The following SLC9A3 variants were observed in gnomAD, a reference collection of about 807,000 sequenced individuals.
SLC9A3 encodes the protein solute carrier family 9 member A3, also known as sodium/hydrogen exchanger 3.
SLC9A3 carries 37 observed loss-of-function variants against 86.8 expected under a neutral mutation model. The ratio of observed to expected loss-of-function variants is 0.43; its 90% CI spans 0.33 to 0.56. SLC9A3 has a LOEUF of 0.56. SLC9A3 is among the 20% of genes least tolerant of loss of function. The pLI is 0.06. For synonymous variants in SLC9A3, 581 were observed against 528.3 expected (o/e 1.10, Z -1.37); for missense variants, 1,011 against 1,171.9 (o/e 0.86, Z 2.00).
At chr5:499,127 G>T (rs991252469) in intron 1 of SLC9A3, among the ~76,000 whole-genome samples, 1 of 152,244 alleles carries the variant, frequency 6.6e-6, no homozygotes, top group African/African-American at 2.4e-5. Flanking sequence ...TCCTCAGCCT[G>T]GGGCTGGTCT....
intron 8 of SLC9A3, 121 bp from the exon 9 acceptor site, chr5:481,756 G>A: frequency 1.2e-6 from 1 of 857,882 alleles, no homozygotes; most frequent in Non-Finnish European, 1.9e-6. Context: ...CCCCTGGCCT[G>A]GACGCAGCCT....
intron 1 of SLC9A3, among the ~76,000 whole-genome samples, chr5:511,967 GGAAACACA>G (rs140247036): frequency 0.016 from 2,440 of 152,320 alleles, 65 homozygotes; most frequent in African/African-American, 0.053. Flanking sequence ...TAGACACGGA[GGAAACACA>G]GATGCAATGA....
At position 472,993 on chromosome 5, in the gene SLC9A3, C is replaced by CGTGCGGCG; in HGVS notation, c.*378_*385dup. ...AGCGGCGTCTCCTCCTGCTCCAGCGCGTGCGGCGGTGCGTGGCACGAGGGC... is the reference window on the plus strand; with the variant it reads ...AGCGGCGTCTCCTCCTGCTCCAGCGCGTGCGGCGGTGCGGCGGTGCGTGGCACGAGGGC... On this transcript the variant is annotated 3_prime_UTR_variant, in exon 17 of 17. Transcript: ENST00000264938. 2.1e-6 allele frequency: 1 copy of CGTGCGGCG among 480,842 alleles called. No homozygotes were observed. 29.8% of individuals were successfully genotyped at this position (480,842 alleles called of 1,614,324 possible).
intron 2 of SLC9A3, among the ~76,000 whole-genome samples, chr5:489,532 G>T (rs891809402): frequency 1.2e-4 from 18 of 152,198 alleles, no homozygotes; most frequent in African/African-American, 4.3e-4. Flanking sequence ...CATCTCTGCG[G>T]TGACTAAACC....
chr5:471,730 C>T lies in SLC9A3; in HGVS notation c.*1649G>A, dbSNP rs1264379499. 9 of 452,300 alleles carry T rather than the reference C, an allele frequency of 2.0e-5. No homozygotes were observed. The highest frequency in any genetic ancestry group is 6.9e-5 in the East Asian group (1 of 14,444). 28.0% of individuals were successfully genotyped at this position (452,300 alleles called of 1,614,324 possible). On this transcript the variant is annotated 3_prime_UTR_variant, in exon 17 of 17. Transcript: ENST00000264938. ...ACCACTGAATCCCAAAAAGTCACTG[C>T]GCTTGATCTGATCCAAGTAACAGTG...
At chr5:493,082 C>A (rs1739865131) in intron 1 of SLC9A3, among the ~76,000 whole-genome samples, 3 of 151,276 alleles carry the variant, frequency 2.0e-5, no homozygotes, top group Admixed American at 2.0e-4. Context: ...ACCAACCTAT[C>A]TGGGCCATGT....
At chr5:483,241 C>T (rs537735314) in intron 6 of SLC9A3, 21 bp downstream of exon 6, 20 of 1,524,684 alleles carry the variant, frequency 1.3e-5, no homozygotes, top group Admixed American at 1.2e-4. Flanking sequence ...GTCCCACGGC[C>T]GCAACCCGGC....
rs1170365502 is a variant in SLC9A3 at position 491,302 on chromosome 5, A to G, written c.514+467T>C. Reference sequence around the variant, plus strand: ...GGTCCGGGGCGGGAGGCAGTGCCCGAGAGATGAAGCATCCAAGACCAAAAC... The same window carrying G: ...GGTCCGGGGCGGGAGGCAGTGCCCGGGAGATGAAGCATCCAAGACCAAAAC... On this transcript the variant is annotated intron_variant, in intron 2 of 16. Coordinates refer to ENST00000264938, the MANE Select transcript of SLC9A3 (RefSeq NM_004174.4). This position sits in a 1 kb window ranked among gnomAD's most constrained non-coding sequence, Gnocchi z 9.2. 2.6e-5 allele frequency among the ~76,000 whole-genome samples: 4 copies of G among 152,086 alleles called. No individual in the cohort carries two copies. Among genetic ancestry groups the G allele is most frequent in the Non-Finnish European group, 4.4e-5 (3 of 67,994 alleles).
At chr5:492,989 G>A (rs1486487864) in intron 1 of SLC9A3, among the ~76,000 whole-genome samples, 1 of 152,200 alleles carries the variant, frequency 6.6e-6, no homozygotes, top group Non-Finnish European at 1.5e-5. Context: ...GACCCCCCGT[G>A]GAGCTTCACC....
intron 1 of SLC9A3, among the ~76,000 whole-genome samples, chr5:512,595 C>T (rs998504928): frequency 2.6e-5 from 4 of 152,096 alleles, no homozygotes; most frequent in Non-Finnish European, 5.9e-5. Flanking sequence ...GGGGGTGGAA[C>T]GGCTGGGGTG....
intron 3 of SLC9A3, among the ~76,000 whole-genome samples, chr5:485,774 G>A (rs995138516): frequency 2.6e-5 from 4 of 152,264 alleles, no homozygotes; most frequent in African/African-American, 9.6e-5. Flanking sequence ...TCTGCACCCA[G>A]CTCTGTGTCT....
chr5:473,180 G>C lies in SLC9A3; in HGVS notation c.*199C>G. 1 of 383,964 alleles carries C rather than the reference G, an allele frequency of 2.6e-6. No homozygotes were observed. The highest frequency in any genetic ancestry group is 3.8e-6 in the Non-Finnish European group (1 of 264,800). 23.8% of individuals were successfully genotyped at this position (383,964 alleles called of 1,614,324 possible). Reference sequence around the variant, plus strand: ...CCGGCGCAGGCCCCGCCCCCGGCTCGCCCTCGGGCGGCTCTGCGGGCGCAG... The same window carrying C: ...CCGGCGCAGGCCCCGCCCCCGGCTCCCCCTCGGGCGGCTCTGCGGGCGCAG... On this transcript the variant is annotated 3_prime_UTR_variant, in exon 17 of 17. Coordinates refer to ENST00000264938, the MANE Select transcript of SLC9A3 (RefSeq NM_004174.4).
chr5:488,501 G>T (rs755119517), intron 2 of SLC9A3, 25 bp from the exon 3 acceptor site: 1 of 1,519,812 alleles, frequency 6.6e-7, no homozygotes. Context: ...GGGCCGCGGG[G>T]CAGCTGCAGG....
At chr5:512,985 G>C (rs147267466) in intron 1 of SLC9A3, among the ~76,000 whole-genome samples, 1 of 152,324 alleles carries the variant, frequency 6.6e-6, no homozygotes, top group East Asian at 1.9e-4. Context: ...GAAGATAAGA[G>C]GGGGAAAGGC....
At position 479,974 on chromosome 5, in the gene SLC9A3, A is replaced by G. The variant is rs1260687697; in HGVS notation, c.1518-9T>C. ...TGTCGAAGTGGGACCACCTGTAGGG[A>G]CAGACCTTGGGTGTGAGCCTCAGGT... On this transcript the variant is annotated splice_polypyrimidine_tract_variant and intron_variant, in intron 9 of 16. Coordinates refer to ENST00000264938, the MANE Select transcript of SLC9A3 (RefSeq NM_004174.4). The G allele has an allele frequency of 6.2e-7, 1 of 1,612,376 alleles. No homozygotes were observed. The highest frequency in any genetic ancestry group is 8.5e-7 in the Non-Finnish European group (1 of 1,179,008).
chr5:476,171 CCCG>C, intron 13 of SLC9A3, 28 bp downstream of exon 13: 1 of 1,613,152 alleles, frequency 6.2e-7, no homozygotes, highest in Non-Finnish European at 8.5e-7. Context: ...AGGCCCCAGC[CCCG>C]CCAAGCCTCC....
chr5:474,925 G>A lies in SLC9A3; in HGVS notation c.2459C>T (p.Pro820Leu), dbSNP rs768341233. Reference sequence around the variant, plus strand: ...GAGGGCGGCGGGGGGCCGCTCCTCGGGGCCGTCTGCCTGCAGGAAGGAGTC... The same window carrying A: ...GAGGGCGGCGGGGGGCCGCTCCTCGAGGCCGTCTGCCTGCAGGAAGGAGTC... ...SVDSFLQADG[P>L]EERPPAALPE... The change falls in exon 16 of 17, where the codon CCC becomes CTC. Residue 820 changes from proline to leucine, a missense_variant. By Grantham distance (98) the Pro-to-Leu change is moderately conservative. Coordinates refer to ENST00000264938, the MANE Select transcript of SLC9A3 (RefSeq NM_004174.4). 1.1e-5 allele frequency: 18 copies of A among 1,601,500 alleles called. No individual in the cohort carries two copies. The highest frequency in any genetic ancestry group is 1.5e-5 in the Non-Finnish European group (18 of 1,175,290).
rs146554484 is a variant in SLC9A3 at position 494,532 on chromosome 5, G to C, written c.212-2461C>G. The stretch of plus-strand genomic sequence containing the variant: ...CTGGGGGTCCCTATGGTGCAGGAAG[G>C]CCTGGGGCAGGTGTTCCCACCTCTG... On this transcript the variant is annotated intron_variant, in intron 1 of 16. Transcript: ENST00000264938. Among the ~76,000 whole-genome samples the C allele has an allele frequency of 6.6e-5, 10 of 152,322 alleles. No individual in the cohort carries two copies. In the East Asian group the frequency reaches 1.9e-3, roughly 29 times the overall value.
Position 491,848 on chromosome 5 carries a change from C to T in SLC9A3, c.435G>A (p.Leu145=). 6.2e-7 allele frequency: 1 copy of T among 1,605,950 alleles called. No homozygotes were observed. The highest frequency in any genetic ancestry group is 8.5e-7 in the Non-Finnish European group (1 of 1,176,828). Residue 145 remains leucine, a synonymous_variant, in exon 2 of 17, where the codon TTG becomes TTA. Coordinates refer to ENST00000264938, the MANE Select transcript of SLC9A3 (RefSeq NM_004174.4). The surrounding 1 kb of genome is among the most constrained non-coding windows in gnomAD (Gnocchi z 9.2). ...TCCACACGGTACCCACGACGGCGTA[C>T]AACAGGATGGTCCCCAGGTTGCCGA... The part of the protein sequence containing the change: ...LFFGNLGTIL[L]YAVVGTVWNA...
Sources: gnomAD v4.1 joint callset for allele counts (sites outside exome capture counted in the v4.1 genomes callset) on GRCh38, gnomAD v4.1.1 for gene constraint, Gnocchi (gnomAD v3.1) non-coding constraint, MANE v1.5 for transcripts, NCBI Gene and HGNC (gene_info 2026-07-23, HGNC 2026-07-21) for gene names.